The following GTF2B variants were observed in gnomAD, a reference collection of about 807,000 sequenced individuals.
The protein encoded by GTF2B is transcription initiation factor IIB.
Under a neutral mutation model 34.6 loss-of-function variants are expected in GTF2B, and 20 were observed. The observed-to-expected ratio is 0.58, with a 90% CI of 0.41 to 0.84. The LOEUF is 0.84. Among genes scored for constraint, GTF2B ranks in the 40% least tolerant of loss-of-function variants. The probability of loss-of-function intolerance (pLI) is 0.00; values close to 1 mark genes in which losing one functional copy is unlikely to be tolerated. For missense variants in GTF2B, 237 were observed against 393.3 expected (o/e 0.60, Z 3.36); for synonymous variants, 142 against 132.4 (o/e 1.07, Z -0.50).
At position 88,859,922 on chromosome 1, in the gene GTF2B, A is replaced by G. The variant is rs768991256; in HGVS notation, c.495T>C (p.Tyr165=). The change falls in exon 5 of 7, where the codon TAT becomes TAC. Residue 165 remains tyrosine, a synonymous_variant. Transcript: ENST00000370500. Reference sequence around the variant, plus strand: ...GAACCCCTTCTTGTCTACAGGCAATATAGAGACAAGCAGAAGCTATAGCAT... The same window carrying G: ...GAACCCCTTCTTGTCTACAGGCAATGTAGAGACAAGCAGAAGCTATAGCAT... ...ANDAIASACL[Y]IACRQEGVPR... 1 of 1,613,690 alleles carries G rather than the reference A, an allele frequency of 6.2e-7. No individual in the cohort carries two copies. Among genetic ancestry groups the G allele is most frequent in the South Asian group, 1.1e-5 (1 of 91,076 alleles).
intron 1 of GTF2B, 63 bp downstream of exon 1, chr1:88,891,420 C>A: frequency 2.9e-6 from 4 of 1,400,528 alleles, no homozygotes; most frequent in Non-Finnish European, 3.0e-6. Context: ...CCGGAGGCCG[C>A]CTAAAAGCCG....
At chr1:88,856,272 CAAAAAAAAAAAAAAAAAACAA>C (rs1277138540) in intron 6 of GTF2B, among the ~76,000 whole-genome samples, 3 of 50,042 alleles carry the variant, frequency 6.0e-5, no homozygotes, top group South Asian at 7.6e-4. Context: ...GTTTCAAAAA[CAAAAAAAAAAAAAAAAAACAA>C]AAAAAAAAAA....
chr1:88,883,625 G>A (rs943986176), intron 2 of GTF2B, among the ~76,000 whole-genome samples: 4 of 151,914 alleles, frequency 2.6e-5, no homozygotes, highest in Admixed American at 1.3e-4. Flanking sequence ...TCGCACCACT[G>A]CACTCCAGCC....
intron 2 of GTF2B, among the ~76,000 whole-genome samples, chr1:88,881,581 C>A (rs1349855255): frequency 6.6e-6 from 1 of 152,108 alleles, no homozygotes. Context: ...TCTACACCTG[C>A]CCTTGTTTGG....
At chr1:88,881,051 T>C (rs1557660500) in intron 2 of GTF2B, among the ~76,000 whole-genome samples, 1 of 148,942 alleles carries the variant, frequency 6.7e-6, no homozygotes, top group East Asian at 2.0e-4. Context: ...AAGGTACAAT[T>C]GGTCAGACAT....
chr1:88,855,186 G>T (rs1173734544), intron 6 of GTF2B, among the ~76,000 whole-genome samples: 4 of 152,156 alleles, frequency 2.6e-5, no homozygotes, highest in Non-Finnish European at 5.9e-5. Flanking sequence ...CTTAAAACGT[G>T]AGTGAAGGCC....
At chr1:88,887,390 T>G (rs754280610) in intron 1 of GTF2B, 23 bp from the exon 2 acceptor site, 1 of 1,377,792 alleles carries the variant, frequency 7.3e-7, no homozygotes, top group Non-Finnish European at 1.0e-6. Flanking sequence ...AGTTGTATTT[T>G]TACATCTTCC....
At chr1:88,859,596 G>A (rs1023282802) in intron 5 of GTF2B, among the ~76,000 whole-genome samples, 3 of 152,122 alleles carry the variant, frequency 2.0e-5, no homozygotes, top group African/African-American at 7.2e-5. Flanking sequence ...AGCACTTTGG[G>A]AGGCCAAAGT....
intron 2 of GTF2B, among the ~76,000 whole-genome samples, chr1:88,870,161 T>C (rs1462253727): frequency 1.3e-5 from 2 of 151,938 alleles, no homozygotes; most frequent in African/African-American, 2.4e-5. Context: ...CTCCTGACCT[T>C]GTGATCCACC....
chr1:88,878,962 A>G (rs1673871042), intron 2 of GTF2B, among the ~76,000 whole-genome samples: 2 of 152,222 alleles, frequency 1.3e-5, no homozygotes, highest in Non-Finnish European at 2.9e-5. Flanking sequence ...GCCGGTGCCA[A>G]CTGCCCAGAT....
At chr1:88,870,052 C>A (rs1460844831) in intron 2 of GTF2B, among the ~76,000 whole-genome samples, 3 of 152,178 alleles carry the variant, frequency 2.0e-5, no homozygotes, top group East Asian at 1.9e-4. Context: ...CTCAGCCTCC[C>A]GAGTAGCTGG....
At position 88,863,964 on chromosome 1, in the gene GTF2B, C is replaced by G; in HGVS notation, c.258+17G>C. The G allele has an allele frequency of 6.2e-7, 1 of 1,611,846 alleles. No homozygotes were observed. Among genetic ancestry groups the G allele is most frequent in the Admixed American group, 1.7e-5 (1 of 59,972 alleles). ...GTCACTCTGCAATTGGTATTTCCTG[C>G]CAAATGGACTTATTACCTTGCCAAT... On this transcript the variant is annotated intron_variant, in intron 3 of 6. Transcript: ENST00000370500.
At position 88,857,240 on chromosome 1, in the gene GTF2B, G is replaced by A; in HGVS notation, c.783C>T (p.Ala261=). Residue 261 remains alanine, a synonymous_variant, in exon 6 of 7, where the codon GCC becomes GCT. Transcript: ENST00000370500. ...ISVAAAAIYM[A]SQASAEKRTQ... Reference sequence around the variant, plus strand: ...TCCTCTTTTCAGCTGATGCCTGTGAGGCCATGTAAATAGCTGCCGCTGCCA... The same window carrying A: ...TCCTCTTTTCAGCTGATGCCTGTGAAGCCATGTAAATAGCTGCCGCTGCCA... 1 of 1,614,004 alleles carries A rather than the reference G, an allele frequency of 6.2e-7. No individual in the cohort carries two copies. Among genetic ancestry groups the A allele is most frequent in the Non-Finnish European group, 8.5e-7 (1 of 1,179,968 alleles).
intron 6 of GTF2B, among the ~76,000 whole-genome samples, chr1:88,855,043 G>A (rs1673272385): frequency 6.6e-6 from 1 of 152,172 alleles, no homozygotes; most frequent in Non-Finnish European, 1.5e-5. Context: ...TACATATAAA[G>A]CCAAAAAGCA....
chr1:88,891,143 A>AGGGG (rs1674192871), intron 1 of GTF2B, among the ~76,000 whole-genome samples: 1 of 12,510 alleles, frequency 8.0e-5, no homozygotes. Context: ...GCGGGGGAGG[A>AGGGG]GAGGAGGGAG....
intron 1 of GTF2B, among the ~76,000 whole-genome samples, chr1:88,889,362 CAG>C (rs1330964282): frequency 6.6e-6 from 1 of 152,114 alleles, no homozygotes; most frequent in South Asian, 2.1e-4. Context: ...AAGGTGGTAA[CAG>C]AGAGAAACAA....
chr1:88,888,118 T>C lies in GTF2B; in HGVS notation c.18-751A>G, dbSNP rs1024937477. On this transcript the variant is annotated intron_variant, in intron 1 of 6. Transcript: ENST00000370500. ...TATTTCAGGGGGTATGACCTCACAA[T>C]CATAAATTCTTGGTATCACTGCAAA... The C allele has an allele frequency of 3.3e-5, 5 of 152,312 alleles. No individual in the cohort carries two copies. The East Asian group carries it at 9.6e-4, about 29-fold the overall frequency. The allele number at this position is 152,312 out of a possible 1,614,324, so 9.4% of individuals were successfully genotyped here.
chr1:88,886,805 T>C (rs979581161), intron 2 of GTF2B, among the ~76,000 whole-genome samples: 2 of 107,630 alleles, frequency 1.9e-5, no homozygotes, highest in East Asian at 2.5e-4. Flanking sequence ...CTCGTTTCTG[T>C]TTCCTAATTG....
At chr1:88,874,372 G>C (rs1208142998) in intron 2 of GTF2B, among the ~76,000 whole-genome samples, 1 of 151,654 alleles carries the variant, frequency 6.6e-6, no homozygotes, top group African/African-American at 2.4e-5. Flanking sequence ...AGAGTGCAGT[G>C]ACACAATCAT....
Sources: gnomAD v4.1 joint callset for allele counts (sites outside exome capture counted in the v4.1 genomes callset) on GRCh38, gnomAD v4.1.1 for gene constraint, MANE v1.5 for transcripts, NCBI Gene and HGNC (gene_info 2026-07-23, HGNC 2026-07-21) for gene names.